Variants in ASIC5 observed in about 807,000 individuals in gnomAD.
ASIC5 encodes acid sensing ion channel subunit family member 5, also known as bile acid-sensitive ion channel.
Under a neutral mutation model 51.2 loss-of-function variants are expected in ASIC5, and 52 were observed. The ratio of observed to expected loss-of-function variants is 1.02; its 90% CI spans 0.81 to 1.28. The LOEUF (loss-of-function observed/expected upper bound fraction) is 1.28, where lower values mean the gene tolerates loss of function less well. Among genes scored for constraint, ASIC5 ranks in the 50% most tolerant of loss-of-function variants. ASIC5 has a pLI of 0.00. For synonymous variants in ASIC5, 231 were observed against 200.7 expected (o/e 1.15, Z -1.28); for missense variants, 635 against 595.0 (o/e 1.07, Z -0.70).
chr4:155,836,067 C>T (rs1018745414), intron 8 of ASIC5, among the ~76,000 whole-genome samples: 5 of 152,034 alleles, frequency 3.3e-5, no homozygotes, highest in East Asian at 3.9e-4. Flanking sequence ...TGTTAAAAAA[C>T]GAAGAGTTAT....
intron 7 of ASIC5, among the ~76,000 whole-genome samples, chr4:155,837,605 A>G (rs544605757): frequency 6.0e-4 from 92 of 152,208 alleles, no homozygotes; most frequent in African/African-American, 2.0e-3. Context: ...TCAGTTGTTT[A>G]CCAAGACCTC....
In ASIC5 at chr4:155,842,202, T is replaced by C. The variant is rs1323636497; in HGVS notation, c.1009+5A>G. The C allele has an allele frequency of 6.2e-7, 1 of 1,610,894 alleles. No homozygotes were observed. The highest frequency in any genetic ancestry group is 2.2e-5 in the East Asian group (1 of 44,840). On this transcript the variant is annotated splice_donor_5th_base_variant and intron_variant, in intron 6 of 9. Transcript: ENST00000537611. ...TAAGTAAGGGGGCAGTTAGTCTTTA[T>C]TTACCAGGAAGAAGAAAAGGCACAC...
chr4:155,845,356 T>G (rs371551271), intron 4 of ASIC5, among the ~76,000 whole-genome samples: 2 of 7,786 alleles, frequency 2.6e-4, no homozygotes, highest in Non-Finnish European at 1.4e-3. Context: ...TTTTTGTGGG[T>G]TTTTTTTTTG....
At chr4:155,835,412 GAAAAAAAA>G (rs11304781) in intron 8 of ASIC5, among the ~76,000 whole-genome samples, 1 of 139,144 alleles carries the variant, frequency 7.2e-6, no homozygotes, top group African/African-American at 2.6e-5. Context: ...CTGAGTTTTG[GAAAAAAAA>G]AAAAAAAGAA....
chr4:155,862,865 G>A (rs17033620), intron 2 of ASIC5, among the ~76,000 whole-genome samples: 547 of 152,212 alleles, frequency 3.6e-3, no homozygotes, highest in South Asian at 8.3e-3. Flanking sequence ...CACTTAGAAA[G>A]CTGTAATCAT....
At chr4:155,866,104 A>G in intron 1 of ASIC5, 83 bp downstream of exon 1, 1 of 833,228 alleles carries the variant, frequency 1.2e-6, no homozygotes, top group Non-Finnish European at 1.9e-6. Flanking sequence ...TTCCCAAATG[A>G]AGAAAAAAAA....
In ASIC5 at chr4:155,863,384, A is replaced by T. The variant is rs184173002; in HGVS notation, c.347+64T>A. On this transcript the variant is annotated intron_variant, in intron 2 of 9. Coordinates refer to ENST00000537611, the MANE Select transcript of ASIC5 (RefSeq NM_017419.3). ...CACATGAGAAAACTCTTTGTCAGTC[A>T]TCCAAGAAAGATTATACTAGCAAAT... 371 of 1,282,996 alleles carry T rather than the reference A, an allele frequency of 2.9e-4. 1 individual carries two copies. The African/African-American group carries it at 4.1e-3, about 14-fold the overall frequency. 79.5% of individuals were successfully genotyped at this position (1,282,996 alleles called of 1,614,324 possible).
intron 7 of ASIC5, among the ~76,000 whole-genome samples, chr4:155,838,398 G>A (rs1326955310): frequency 2.6e-5 from 4 of 152,070 alleles, no homozygotes; most frequent in African/African-American, 9.7e-5. Flanking sequence ...AATTTTATAT[G>A]CCAAGTGCAT....
Position 155,854,177 on chromosome 4 carries a change from T to A in ASIC5, c.485A>T (p.Gln162Leu), listed in dbSNP as rs1741463066. 1 of 1,613,482 alleles carries A rather than the reference T, an allele frequency of 6.2e-7. No homozygotes were observed. Among genetic ancestry groups the A allele is most frequent in the East Asian group, 2.2e-5 (1 of 44,826 alleles). Reference protein sequence around the residue: ...REATDFAASHQNFSIVEFIRN... With the variant: ...REATDFAASHLNFSIVEFIRN... ...GATAAATTCCACAATGCTGAAGTTTTGGTGACTTGCAGCAAAATCAGTAGC... is the reference window on the plus strand; with the variant it reads ...GATAAATTCCACAATGCTGAAGTTTAGGTGACTTGCAGCAAAATCAGTAGC... The change falls in exon 3 of 10, where the codon CAA (glutamine) becomes CTA (leucine). Residue 162 changes from glutamine (Q) to leucine (L), a missense_variant. Coordinates refer to ENST00000537611, the MANE Select transcript of ASIC5 (RefSeq NM_017419.3).
At chr4:155,832,991 T>C (rs183310292) in intron 8 of ASIC5, among the ~76,000 whole-genome samples, 2 of 152,320 alleles carry the variant, frequency 1.3e-5, no homozygotes, top group East Asian at 3.9e-4. Context: ...ACTGCTTTTC[T>C]GCTGCCACTC....
At chr4:155,855,565 G>C (rs1741513906) in intron 2 of ASIC5, among the ~76,000 whole-genome samples, 1 of 151,892 alleles carries the variant, frequency 6.6e-6, no homozygotes, top group Middle Eastern at 3.4e-3. Flanking sequence ...TAAATTGACT[G>C]CTAAAGGCAT....
chr4:155,864,130 A>G (rs892939167), intron 1 of ASIC5, among the ~76,000 whole-genome samples: 2 of 152,218 alleles, frequency 1.3e-5, no homozygotes, highest in African/African-American at 2.4e-5. Flanking sequence ...TTTAGAAGTC[A>G]TGAACAAAAT....
intron 2 of ASIC5, among the ~76,000 whole-genome samples, chr4:155,860,526 T>C (rs955251377): frequency 9.9e-5 from 15 of 151,884 alleles, no homozygotes; most frequent in Non-Finnish European, 2.1e-4. Context: ...GGAATCCAAA[T>C]TATCTTTCTG....
At chr4:155,865,928 A>C (rs961594471) in intron 1 of ASIC5, among the ~76,000 whole-genome samples, 1 of 152,212 alleles carries the variant, frequency 6.6e-6, no homozygotes, top group African/African-American at 2.4e-5. Flanking sequence ...ATAGAAACCA[A>C]AAGAAATAAA....
At chr4:155,835,529 T>G (rs980325006) in intron 8 of ASIC5, among the ~76,000 whole-genome samples, 1 of 152,166 alleles carries the variant, frequency 6.6e-6, no homozygotes, top group Non-Finnish European at 1.5e-5. Context: ...TCTCTGTATA[T>G]TAAGTAATTA....
chr4:155,862,287 C>A (rs1364257501), intron 2 of ASIC5, among the ~76,000 whole-genome samples: 1 of 152,086 alleles, frequency 6.6e-6, no homozygotes, highest in Non-Finnish European at 1.5e-5. Flanking sequence ...GACAATCATA[C>A]AAACGGGCTA....
At chr4:155,847,538 T>C (rs1741282905) in intron 4 of ASIC5, among the ~76,000 whole-genome samples, 1 of 151,922 alleles carries the variant, frequency 6.6e-6, no homozygotes. Context: ...CTGGCCAATA[T>C]GGTGAAACCC....
intron 2 of ASIC5, 82 bp from the exon 3 acceptor site, chr4:155,854,396 A>C: frequency 1.0e-6 from 1 of 993,590 alleles, no homozygotes. Flanking sequence ...TCTAGATTCT[A>C]TTAGCTTCTT....
chr4:155,842,435 T>A (rs1293937490), intron 5 of ASIC5, 81 bp from the exon 6 acceptor site: 1 of 1,339,080 alleles, frequency 7.5e-7, no homozygotes, highest in Non-Finnish European at 1.0e-6. Flanking sequence ...TGGTACACAT[T>A]TTTATTTTCC....
Sources: allele counts gnomAD v4.1 joint callset (sites outside exome capture counted in the v4.1 genomes callset), GRCh38; gene constraint gnomAD v4.1.1; transcripts MANE v1.5; gene names NCBI Gene and HGNC (gene_info 2026-07-23, HGNC 2026-07-21).